HMCN1: variants seen among roughly 807,000 people sequenced by gnomAD.
The protein encoded by HMCN1 is hemicentin-1.
A neutral mutation model predicts 625.9 loss-of-function variants in HMCN1; 321 were observed. That is an observed-to-expected ratio of 0.51 (90% CI 0.47 to 0.56). HMCN1 has a LOEUF of 0.56. Ranked by LOEUF, HMCN1 falls within the 20% of genes least tolerant of loss-of-function variation. The pLI is 0.00. For synonymous variants in HMCN1, 2,425 were observed against 2,417.6 expected (o/e 1.00, Z -0.09); for missense variants, 6,588 against 6,887.3 (o/e 0.96, Z 1.54).
Position 186,023,022 on chromosome 1 carries a change from C to G in HMCN1, c.5626-8C>G. On this transcript the variant is annotated splice_polypyrimidine_tract_variant and splice_region_variant and intron_variant, in intron 35 of 106. Transcript: ENST00000271588. Reference sequence around the variant, plus strand: ...CAAAAATCCTCTGTGCTTTCTGCTCCCAATTAGATACAGTCTTCTGGTCGA... The same window carrying G: ...CAAAAATCCTCTGTGCTTTCTGCTCGCAATTAGATACAGTCTTCTGGTCGA... The G allele has an allele frequency of 1.2e-6, 2 of 1,612,924 alleles. No individual in the cohort carries two copies. Among genetic ancestry groups the G allele is most frequent in the South Asian group, 2.2e-5 (2 of 91,052 alleles).
intron 69 of HMCN1, among the ~76,000 whole-genome samples, chr1:186,104,467 T>G (rs1485517893): frequency 6.6e-6 from 1 of 152,198 alleles, no homozygotes; most frequent in Non-Finnish European, 1.5e-5. Flanking sequence ...TATTTGATCA[T>G]ATTTTGTTGC....
intron 11 of HMCN1, among the ~76,000 whole-genome samples, chr1:185,960,166 T>C (rs1399480052): frequency 1.3e-5 from 2 of 149,962 alleles, no homozygotes; most frequent in African/African-American, 2.5e-5. Context: ...TTTGCTCTTG[T>C]TCTCCAGGCT....
At position 185,954,869 on chromosome 1, in the gene HMCN1, T is replaced by A. The variant is rs1442911872; in HGVS notation, c.1829-7649T>A. ...CCCTCTTTATTTATGGACATGTATG[T>A]CCATAATGGGAGACGTTTTCTTTGG... On this transcript the variant is annotated intron_variant, in intron 11 of 106. Transcript: ENST00000271588. Among the ~76,000 whole-genome samples, 6 of 152,190 alleles carry A rather than the reference T, an allele frequency of 3.9e-5. No homozygotes were observed. The East Asian group carries it at 1.2e-3, about 29-fold the overall frequency.
At chr1:186,035,716 T>C (rs1244863728) in intron 36 of HMCN1, among the ~76,000 whole-genome samples, 2 of 152,166 alleles carry the variant, frequency 1.3e-5, no homozygotes, top group African/African-American at 2.4e-5. Flanking sequence ...TGTTGATTTA[T>C]ATTTTATAGC....
Position 185,984,322 on chromosome 1 carries a change from C to T in HMCN1, c.2935+9C>T. The T allele has an allele frequency of 6.2e-7, 1 of 1,613,424 alleles. No individual in the cohort carries two copies. Among genetic ancestry groups the T allele is most frequent in the Non-Finnish European group, 8.5e-7 (1 of 1,179,668 alleles). On this transcript the variant is annotated intron_variant, in intron 19 of 106. Coordinates refer to ENST00000271588, the MANE Select transcript of HMCN1 (RefSeq NM_031935.3). ...CTCTGTGGTTGTGCATGGTAAGAGA[C>T]ACACCCAATGTTATTGTTTCGAAAC...
chr1:185,777,901 C>T (rs1656734316), intron 1 of HMCN1, among the ~76,000 whole-genome samples: 1 of 152,162 alleles, frequency 6.6e-6, no homozygotes, highest in South Asian at 2.1e-4. Context: ...ATATATTGGG[C>T]ATTCAATATG....
At chr1:186,049,196 C>CTG (rs1180680234) in intron 42 of HMCN1, among the ~76,000 whole-genome samples, 1 of 151,870 alleles carries the variant, frequency 6.6e-6, no homozygotes, top group South Asian at 2.1e-4. Context: ...TATATGTGAA[C>CTG]TGTGTGTGTG....
At chr1:186,019,829 A>G (rs1654602276) in intron 35 of HMCN1, 134 bp downstream of exon 35, 1 of 655,770 alleles carries the variant, frequency 1.5e-6, no homozygotes, top group Non-Finnish European at 2.5e-6. Flanking sequence ...AATAATATGC[A>G]TTTTTCTTAG....
chr1:185,856,764 A>AT (rs1274270962), intron 2 of HMCN1, among the ~76,000 whole-genome samples: 1 of 152,206 alleles, frequency 6.6e-6, no homozygotes, highest in Non-Finnish European at 1.5e-5. Context: ...AGACTTAGGC[A>AT]TCTGGAAAAC....
At chr1:186,073,217 A>C (rs1658581497) in intron 52 of HMCN1, among the ~76,000 whole-genome samples, 1 of 152,294 alleles carries the variant, frequency 6.6e-6, no homozygotes, top group East Asian at 1.9e-4. Flanking sequence ...AAATGAACAC[A>C]AGTTAAACTC....
intron 97 of HMCN1, among the ~76,000 whole-genome samples, chr1:186,161,583 G>C (rs1461596152): frequency 6.6e-6 from 1 of 151,952 alleles, no homozygotes; most frequent in Non-Finnish European, 1.5e-5. Context: ...CATGTTTAGT[G>C]CTTCCTTCAG....
At chr1:186,162,856 G>C (rs1651600504) in intron 97 of HMCN1, among the ~76,000 whole-genome samples, 1 of 152,210 alleles carries the variant, frequency 6.6e-6, no homozygotes. Flanking sequence ...GCTGCTCAGG[G>C]GTCAGGGACC....
chr1:185,824,454 A>G (rs1222960531), intron 1 of HMCN1, among the ~76,000 whole-genome samples: 6 of 152,134 alleles, frequency 3.9e-5, no homozygotes, highest in Admixed American at 1.3e-4. Context: ...CAAATTGTGT[A>G]ACCCTGTAAA....
intron 1 of HMCN1, among the ~76,000 whole-genome samples, chr1:185,793,817 G>A (rs1658164217): frequency 6.6e-6 from 1 of 152,060 alleles, no homozygotes; most frequent in African/African-American, 2.4e-5. Context: ...TTCCCTTGGA[G>A]GTAAAAGTCA....
chr1:186,097,831 T>C (rs1308308976), intron 68 of HMCN1, among the ~76,000 whole-genome samples: 1 of 152,152 alleles, frequency 6.6e-6, no homozygotes, highest in Non-Finnish European at 1.5e-5. Flanking sequence ...CAAAACAGCA[T>C]GCTATTGGCA....
At chr1:186,180,593 T>C (rs1652872353) in intron 104 of HMCN1, among the ~76,000 whole-genome samples, 2 of 152,204 alleles carry the variant, frequency 1.3e-5, no homozygotes, top group African/African-American at 2.4e-5. Context: ...TTCATCATAG[T>C]AGAGTCTTAT....
chr1:186,132,667 C>G (rs1032342825), intron 86 of HMCN1, among the ~76,000 whole-genome samples: 2 of 149,784 alleles, frequency 1.3e-5, no homozygotes, highest in African/African-American at 2.5e-5. Flanking sequence ...TTTTATTATA[C>G]TTTAAGTTTT....
chr1:185,879,953 G>T, intron 4 of HMCN1, among the ~76,000 whole-genome samples: 1 of 152,172 alleles, frequency 6.6e-6, no homozygotes. Flanking sequence ...GGAAATAGTG[G>T]TGAGGCAGCA....
intron 6 of HMCN1, among the ~76,000 whole-genome samples, chr1:185,915,849 T>C (rs564923356): frequency 1.8e-4 from 27 of 152,228 alleles, no homozygotes; most frequent in African/African-American, 5.5e-4. Flanking sequence ...CTGTAGTCTA[T>C]ACAAGGTGTG....
Sources: allele counts gnomAD v4.1 joint callset (sites outside exome capture counted in the v4.1 genomes callset), GRCh38; gene constraint gnomAD v4.1.1; transcripts MANE v1.5; gene names NCBI Gene and HGNC (gene_info 2026-07-23, HGNC 2026-07-21).